Variants in SULF1 observed in about 807,000 individuals in gnomAD.
SULF1 encodes extracellular sulfatase Sulf-1.
In SULF1, 46 loss-of-function variants were observed where a neutral mutation model predicts 110.5. That is an observed-to-expected ratio of 0.42 (90% confidence interval 0.33 to 0.53). The LOEUF is 0.53. Ranked by LOEUF, SULF1 falls within the 20% of genes least tolerant of loss-of-function variation. The pLI is 0.12. For synonymous variants in SULF1, 371 were observed against 387.1 expected (o/e 0.96, Z 0.49); for missense variants, 941 against 1,094.2 (o/e 0.86, Z 1.98).
chr8:69,586,607 A>C, intron 7 of SULF1, 99 bp downstream of exon 7: 1 of 1,278,120 alleles, frequency 7.8e-7, no homozygotes, highest in Non-Finnish European at 1.1e-6. Flanking sequence ...TTGGCTTTCT[A>C]TGTTCTCACA....
At chr8:69,613,725 G>A (rs78633579) in intron 13 of SULF1, among the ~76,000 whole-genome samples, 3,293 of 152,170 alleles carry the variant, frequency 0.022, 125 homozygotes, top group African/African-American at 0.076. Flanking sequence ...ATTTTGTACA[G>A]TTTACCACCA....
intron 3 of SULF1, among the ~76,000 whole-genome samples, chr8:69,521,525 G>A (rs1812297507): frequency 6.6e-6 from 1 of 152,134 alleles, no homozygotes; most frequent in South Asian, 2.1e-4. Flanking sequence ...GACGAAGAAT[G>A]TTCTAGACAG....
chr8:69,518,827 C>G (rs991568270), intron 3 of SULF1, among the ~76,000 whole-genome samples: 6 of 152,186 alleles, frequency 3.9e-5, no homozygotes, highest in African/African-American at 1.2e-4. Context: ...TAGTCTTACT[C>G]TACATATCTG....
In SULF1 at chr8:69,634,861, G is replaced by A. The variant is rs559982631; in HGVS notation, c.2285-3641G>A. Among the ~76,000 whole-genome samples, 8 of 152,334 alleles carry A rather than the reference G, an allele frequency of 5.3e-5. No individual in the cohort carries two copies. In the East Asian group the frequency reaches 1.2e-3, roughly 22 times the overall value. On this transcript the variant is annotated intron_variant, in intron 19 of 22. Transcript: ENST00000402687. ...TCACTCTTGACCCCCAGGCTGGAGTGCAATGGTGCGATCTTGGCTCACTGC... is the reference window on the plus strand; with the variant it reads ...TCACTCTTGACCCCCAGGCTGGAGTACAATGGTGCGATCTTGGCTCACTGC...
intron 6 of SULF1, among the ~76,000 whole-genome samples, chr8:69,583,679 A>C (rs774416152): frequency 2.0e-5 from 3 of 152,230 alleles, no homozygotes; most frequent in Non-Finnish European, 2.9e-5. Context: ...TTCAAGAAAC[A>C]AAAAGGATGG....
intron 14 of SULF1, among the ~76,000 whole-genome samples, chr8:69,621,968 A>C (rs1340013290): frequency 6.6e-6 from 1 of 152,272 alleles, no homozygotes; most frequent in Non-Finnish European, 1.5e-5. Flanking sequence ...TTTGGAAAGA[A>C]GCAATTTAAG....
In SULF1 at chr8:69,601,136, G is replaced by A. The variant is rs1807772103; in HGVS notation, c.885+383G>A. Among the ~76,000 whole-genome samples, 6 of 152,228 alleles carry A rather than the reference G, an allele frequency of 3.9e-5. 1 individual carries two copies. The South Asian group carries it at 1.2e-3, about 31-fold the overall frequency. Reference sequence around the variant, plus strand: ...CAGCTAAATTTTGCCATGTAGAAATGTGGATCAAGTATCAGCAGGTCTTCT... The same window carrying A: ...CAGCTAAATTTTGCCATGTAGAAATATGGATCAAGTATCAGCAGGTCTTCT... On this transcript the variant is annotated intron_variant, in intron 9 of 22. Coordinates refer to ENST00000402687, the MANE Select transcript of SULF1 (RefSeq NM_001128205.2).
chr8:69,564,345 T>C (rs1189713040), intron 5 of SULF1, among the ~76,000 whole-genome samples, 198 bp downstream of exon 5: 1 of 152,200 alleles, frequency 6.6e-6, no homozygotes, highest in Non-Finnish European at 1.5e-5. Flanking sequence ...GTTATGCTTT[T>C]GAAATGGTCG....
intron 3 of SULF1, among the ~76,000 whole-genome samples, chr8:69,529,268 G>A (rs10097902): frequency 0.39 from 59,087 of 151,900 alleles, 12,185 homozygotes; most frequent in East Asian, 0.65. Flanking sequence ...GTTCTTCTAA[G>A]AAAGCCATTA....
At chr8:69,631,700 C>G (rs900840320) in intron 19 of SULF1, among the ~76,000 whole-genome samples, 2 of 152,262 alleles carry the variant, frequency 1.3e-5, no homozygotes, top group Non-Finnish European at 2.9e-5. Context: ...GCATCTCAAG[C>G]TCCCTCTCGC....
In SULF1 at chr8:69,579,221, G is replaced by GAAA. The variant is rs138671882; in HGVS notation, c.412+3014_412+3016dup. ...TAGGAAAAGGATAATATGGGCTCAG[G>GAAA]AAAACAAATCTAGATTTGCCTATTA... is the stretch of plus-strand genomic sequence containing the variant. On this transcript the variant is annotated intron_variant, in intron 6 of 22. Coordinates refer to ENST00000402687, the MANE Select transcript of SULF1 (RefSeq NM_001128205.2). Among the ~76,000 whole-genome samples the GAAA allele has an allele frequency of 8.9e-3, 1,337 of 149,866 alleles. 14 individuals are homozygous for GAAA. The highest frequency in any genetic ancestry group is 0.03 in the African/African-American group (1,223 of 40,696).
intron 3 of SULF1, among the ~76,000 whole-genome samples, chr8:69,506,635 C>T (rs1349300625): frequency 3.3e-5 from 5 of 152,140 alleles, no homozygotes; most frequent in African/African-American, 9.7e-5. Flanking sequence ...CAGTATGCTT[C>T]GGCTGCCAGT....
intron 13 of SULF1, among the ~76,000 whole-genome samples, chr8:69,616,295 C>G (rs1290223581): frequency 6.6e-6 from 1 of 151,636 alleles, no homozygotes; most frequent in East Asian, 1.9e-4. Context: ...TCTCGGGTCA[C>G]TGCAACCTCT....
chr8:69,614,420 A>G (rs1006455751), intron 13 of SULF1, among the ~76,000 whole-genome samples: 12 of 152,266 alleles, frequency 7.9e-5, no homozygotes, highest in African/African-American at 2.9e-4. Flanking sequence ...TGAGGATTAA[A>G]TGAAAAATTC....
intron 3 of SULF1, among the ~76,000 whole-genome samples, chr8:69,511,666 C>T (rs937387417): frequency 6.6e-6 from 1 of 152,218 alleles, no homozygotes; most frequent in African/African-American, 2.4e-5. Context: ...CAACATCCAC[C>T]ACTAGGGTGG....
intron 7 of SULF1, among the ~76,000 whole-genome samples, chr8:69,586,818 G>T (rs191443984): frequency 1.5e-3 from 234 of 152,176 alleles, no homozygotes; most frequent in Non-Finnish European, 2.7e-3. Context: ...CCCAACCAAG[G>T]ACTTGTCCAC....
intron 3 of SULF1, among the ~76,000 whole-genome samples, chr8:69,560,331 C>T (rs1372152): frequency 1 from 151,715 of 151,798 alleles, 75,816 homozygotes; most frequent in Middle Eastern, 1. Context: ...GCTGGACATC[C>T]TGCCAGTCTT....
intron 8 of SULF1, among the ~76,000 whole-genome samples, chr8:69,591,697 G>A (rs1806921779): frequency 6.6e-6 from 1 of 152,194 alleles, no homozygotes; most frequent in African/African-American, 2.4e-5. Flanking sequence ...ATAAGCGTGA[G>A]GAAGACACAG....
chr8:69,620,386 G>C (rs143157515), intron 13 of SULF1, among the ~76,000 whole-genome samples: 7 of 152,198 alleles, frequency 4.6e-5, no homozygotes, highest in Admixed American at 2.0e-4. Flanking sequence ...GTAGATTCCC[G>C]GGCTTGAGGG....
Sources: allele counts gnomAD v4.1 joint callset (sites outside exome capture counted in the v4.1 genomes callset), GRCh38; gene constraint gnomAD v4.1.1; transcripts MANE v1.5; gene names NCBI Gene and HGNC (gene_info 2026-07-23, HGNC 2026-07-21).